LCOR: variants seen among roughly 807,000 people sequenced by gnomAD.
LCOR encodes the protein ligand-dependent corepressor.
Under a neutral mutation model 64.4 loss-of-function variants are expected in LCOR, and 14 were observed. The observed-to-expected ratio is 0.22, with a 90% CI of 0.14 to 0.34. The LOEUF is 0.34. Ranked by LOEUF, LCOR falls within the 10% of genes least tolerant of loss-of-function variation. The probability of loss-of-function intolerance (pLI) is 1.00; values close to 1 mark genes in which losing one functional copy is unlikely to be tolerated. For synonymous variants in LCOR, 643 were observed against 642.5 expected, an observed-to-expected ratio of 1.00 and a Z score of -0.01; for missense variants, 1,686 against 1,765.3, an observed-to-expected ratio of 0.96 and a Z score of 0.80.
chr10:96,847,363 A>G (rs1232945019), intron 2 of LCOR, among the ~76,000 whole-genome samples: 1 of 151,552 alleles, frequency 6.6e-6, no homozygotes, highest in African/African-American at 2.4e-5. Context: ...AAAAAAAAAA[A>G]GCACACGGTA....
At chr10:96,950,477 T>C (rs1352904805) in intron 6 of LCOR, among the ~76,000 whole-genome samples, 1 of 152,128 alleles carries the variant, frequency 6.6e-6, no homozygotes, top group Non-Finnish European at 1.5e-5. Context: ...TCACTCTAAA[T>C]ATTGCATCAG....
chr10:96,895,863 G>A (rs535520445), intron 2 of LCOR, among the ~76,000 whole-genome samples: 83 of 152,174 alleles, frequency 5.5e-4, no homozygotes, highest in Non-Finnish European at 1.1e-3. Flanking sequence ...CAGAAGGATC[G>A]CTTGAGACCA....
chr10:96,911,971 G>C (rs903939483), intron 4 of LCOR, among the ~76,000 whole-genome samples: 15 of 150,838 alleles, frequency 9.9e-5, no homozygotes, highest in Non-Finnish European at 1.8e-4. Context: ...TCTCACTGTT[G>C]CGCAGGCTGC....
chr10:96,938,511 C>T (rs1371044453), intron 4 of LCOR, among the ~76,000 whole-genome samples: 3 of 151,236 alleles, frequency 2.0e-5, no homozygotes, highest in Admixed American at 1.3e-4. Context: ...GTACATCCAC[C>T]GTTGTACATG....
At chr10:96,959,520 G>T (rs1847847623) in intron 7 of LCOR, 1 of 152,118 alleles carries the variant, frequency 6.6e-6, no homozygotes. Context: ...AGGATATCTA[G>T]TTGGTATTTT....
intron 2 of LCOR, among the ~76,000 whole-genome samples, chr10:96,878,806 C>T (rs566626002): frequency 5.8e-4 from 89 of 152,184 alleles, no homozygotes; most frequent in African/African-American, 2.1e-3. Flanking sequence ...CCCTCCCCTC[C>T]CCTCTTCCGA....
chr10:96,934,929 T>A (rs1464218056), intron 4 of LCOR, among the ~76,000 whole-genome samples: 1 of 152,168 alleles, frequency 6.6e-6, no homozygotes, highest in East Asian at 1.9e-4. Context: ...TCCTATTTAG[T>A]TTTATGCCAA....
intron 2 of LCOR, among the ~76,000 whole-genome samples, chr10:96,845,719 G>A (rs1165282670): frequency 6.6e-6 from 1 of 150,948 alleles, no homozygotes; most frequent in East Asian, 2.0e-4. Context: ...TACCCGCCTC[G>A]GCCTCCCAAA....
At chr10:96,954,559 T>G (rs945769217) in intron 7 of LCOR, among the ~76,000 whole-genome samples, 6 of 152,188 alleles carry the variant, frequency 3.9e-5, no homozygotes, top group African/African-American at 1.4e-4. Flanking sequence ...TGTACTTGTT[T>G]AGTGGTAACG....
chr10:96,922,466 C>T (rs1847097526), intron 4 of LCOR, among the ~76,000 whole-genome samples: 1 of 152,170 alleles, frequency 6.6e-6, no homozygotes, highest in Non-Finnish European at 1.5e-5. Flanking sequence ...AAATTACTCT[C>T]AACCAGGCTT....
intron 2 of LCOR, among the ~76,000 whole-genome samples, chr10:96,880,556 C>T (rs1438510386): frequency 6.6e-6 from 1 of 152,150 alleles, no homozygotes; most frequent in Non-Finnish European, 1.5e-5. Flanking sequence ...TGCCACCATG[C>T]CTGGCTAATT....
chr10:96,950,820 C>A (rs7084507), intron 6 of LCOR, among the ~76,000 whole-genome samples: 1 of 151,898 alleles, frequency 6.6e-6, no homozygotes, highest in Non-Finnish European at 1.5e-5. Flanking sequence ...ATTTGACTTG[C>A]GTTTAAATAA....
At chr10:96,832,987 G>A in intron 1 of LCOR, 1 of 984,984 alleles carries the variant, frequency 1.0e-6, no homozygotes, top group Non-Finnish European at 1.2e-6. Context: ...GGGGGCGGAG[G>A]GAGCTGGAGC....
chr10:96,833,246 G>A (rs1035232665), intron 1 of LCOR, 160 bp from the exon 2 acceptor site: 1 of 966,706 alleles, frequency 1.0e-6, no homozygotes, highest in Non-Finnish European at 1.2e-6. Context: ...AGCCTCGCCC[G>A]AATGCCCCGT....
At chr10:96,893,646 C>T (rs1002841917) in intron 2 of LCOR, among the ~76,000 whole-genome samples, 2 of 151,950 alleles carry the variant, frequency 1.3e-5, no homozygotes, top group African/African-American at 2.4e-5. Flanking sequence ...ATCTGTAGTC[C>T]CAGCTACTCG....
intron 7 of LCOR, among the ~76,000 whole-genome samples, chr10:96,979,386 C>T (rs1187173798): frequency 6.6e-6 from 1 of 152,184 alleles, no homozygotes; most frequent in Non-Finnish European, 1.5e-5. Context: ...ACCCAGACAT[C>T]CAGAAGCACA....
At chr10:96,896,526 C>G (rs1289386226) in intron 2 of LCOR, among the ~76,000 whole-genome samples, 1 of 151,958 alleles carries the variant, frequency 6.6e-6, no homozygotes, top group Non-Finnish European at 1.5e-5. Context: ...CAGGCTCAAG[C>G]GATTCTCCCG....
At chr10:96,865,194 T>C (rs1196809176) in intron 2 of LCOR, among the ~76,000 whole-genome samples, 1 of 152,156 alleles carries the variant, frequency 6.6e-6, no homozygotes, top group Non-Finnish European at 1.5e-5. Context: ...TAAAAATTTA[T>C]ATTTTCGTCT....
At chr10:96,875,153 G>T (rs561559084) in intron 2 of LCOR, among the ~76,000 whole-genome samples, 2 of 151,886 alleles carry the variant, frequency 1.3e-5, no homozygotes, top group South Asian at 4.2e-4. Flanking sequence ...GGGAGGCCGA[G>T]GCAGGCAGAC....
Sources: gnomAD v4.1 joint callset for allele counts (sites outside exome capture counted in the v4.1 genomes callset) on GRCh38, gnomAD v4.1.1 for gene constraint, MANE v1.5 for transcripts, NCBI Gene and HGNC (gene_info 2026-07-23, HGNC 2026-07-21) for gene names.